The following NRG1 variants were observed in gnomAD, a reference collection of about 807,000 sequenced individuals.
The protein encoded by NRG1 is neuregulin 1.
In NRG1, 18 loss-of-function variants were observed where a neutral mutation model predicts 63.8. The ratio of observed to expected loss-of-function variants is 0.28; its 90% confidence interval spans 0.19 to 0.42. NRG1 has a LOEUF of 0.42. Among genes scored for constraint, NRG1 ranks in the 10% least tolerant of loss-of-function variants. The pLI is 1.00. For synonymous variants in NRG1, 302 were observed against 301.3 expected (o/e 1.00, Z -0.02); for missense variants, 762 against 814.7 (o/e 0.94, Z 0.79).
At chr8:32,189,749 A>C (rs921913293) in intron 1 of NRG1, among the ~76,000 whole-genome samples, 1 of 152,156 alleles carries the variant, frequency 6.6e-6, no homozygotes, top group Non-Finnish European at 1.5e-5. Flanking sequence ...GGCCCCCCTG[A>C]GTCCTTAGAA....
chr8:32,060,275 C>CT (rs150589431), intron 1 of NRG1, among the ~76,000 whole-genome samples: 3,085 of 146,958 alleles, frequency 0.021, 91 homozygotes, highest in African/African-American at 0.071. Flanking sequence ...TGGCAGACTG[C>CT]TTTTTTTTTT....
At chr8:32,179,638 A>C (rs1257407957) in intron 1 of NRG1, among the ~76,000 whole-genome samples, 1 of 152,148 alleles carries the variant, frequency 6.6e-6, no homozygotes, top group Non-Finnish European at 1.5e-5. Context: ...ATATTAGAAC[A>C]TGTAGTTTCT....
chr8:31,697,624 G>T (rs535803272), intron 1 of NRG1, among the ~76,000 whole-genome samples: 135 of 152,248 alleles, frequency 8.9e-4, no homozygotes, highest in African/African-American at 3.2e-3. Context: ...GAAAGCAGAG[G>T]AGTTAGTTTT....
At chr8:32,497,448 A>G (rs1827343327) in intron 1 of NRG1, among the ~76,000 whole-genome samples, 1 of 27,898 alleles carries the variant, frequency 3.6e-5, no homozygotes, top group South Asian at 1.1e-3. Flanking sequence ...TTTTGTATCA[A>G]AAAAAAAAAA....
intron 1 of NRG1, among the ~76,000 whole-genome samples, chr8:32,209,467 T>C (rs1844431403): frequency 6.6e-6 from 1 of 152,160 alleles, no homozygotes; most frequent in African/African-American, 2.4e-5. Context: ...TAAAAGCCTT[T>C]TATAAATTTA....
intron 1 of NRG1, among the ~76,000 whole-genome samples, chr8:32,559,083 G>GAAAA (rs35947086): frequency 1.6e-4 from 14 of 86,782 alleles, no homozygotes; most frequent in Non-Finnish European, 2.1e-4. Context: ...TTGTCTCAGC[G>GAAAA]AAAAAAAAAA....
intron 6 of NRG1, among the ~76,000 whole-genome samples, chr8:32,737,599 A>G (rs1564073931): frequency 1.3e-5 from 2 of 152,008 alleles, no homozygotes; most frequent in Non-Finnish European, 2.9e-5. Flanking sequence ...AGAGTGTATC[A>G]TAAACTATAA....
intron 1 of NRG1, among the ~76,000 whole-genome samples, chr8:31,788,179 T>C (rs1222199315): frequency 6.6e-6 from 1 of 152,058 alleles, no homozygotes; most frequent in Non-Finnish European, 1.5e-5. Flanking sequence ...GTATAAAAAT[T>C]GGGAAAAAAT....
At chr8:32,186,069 A>G (rs1165365246) in intron 1 of NRG1, among the ~76,000 whole-genome samples, 1 of 152,250 alleles carries the variant, frequency 6.6e-6, no homozygotes, top group Non-Finnish European at 1.5e-5. Flanking sequence ...CTATGCTGTT[A>G]CCAAAAGCTG....
chr8:31,814,101 G>A (rs954420587), intron 1 of NRG1, among the ~76,000 whole-genome samples: 1 of 152,128 alleles, frequency 6.6e-6, no homozygotes, highest in Non-Finnish European at 1.5e-5. Flanking sequence ...ATGAAATGTA[G>A]CTGGAGCCAG....
chr8:32,709,946 A>C (rs2128979747), intron 5 of NRG1, among the ~76,000 whole-genome samples: 1 of 152,312 alleles, frequency 6.6e-6, no homozygotes, highest in Admixed American at 6.5e-5. Context: ...AACACTTTAA[A>C]TATGTCTGCC....
chr8:32,540,109 C>T (rs779601397), intron 1 of NRG1, among the ~76,000 whole-genome samples: 5 of 151,880 alleles, frequency 3.3e-5, no homozygotes, highest in East Asian at 3.9e-4. Context: ...ATGGTTTCTT[C>T]GATAGAAAGG....
intron 1 of NRG1, among the ~76,000 whole-genome samples, chr8:32,341,727 C>T (rs1348205836): frequency 6.6e-6 from 1 of 152,066 alleles, no homozygotes; most frequent in Non-Finnish European, 1.5e-5. Context: ...CAAGTTGTAT[C>T]GTTGAAGAGC....
At chr8:32,388,653 C>A (rs919457083) in intron 1 of NRG1, among the ~76,000 whole-genome samples, 1 of 27,134 alleles carries the variant, frequency 3.7e-5, no homozygotes, top group African/African-American at 1.1e-4. Context: ...GATTACAAGA[C>A]GGTTTTTTTT....
intron 1 of NRG1, among the ~76,000 whole-genome samples, chr8:31,655,400 TA>T (rs1805333319): frequency 6.6e-6 from 1 of 152,146 alleles, no homozygotes; most frequent in African/African-American, 2.4e-5. Flanking sequence ...GTCTGAAAGA[TA>T]CAAGAAGGTC....
chr8:32,412,420 CTA>C lies in NRG1; in HGVS notation c.38-183407_38-183406del, dbSNP rs200235131. Among the ~76,000 whole-genome samples, 5 of 41,820 alleles carry C rather than the reference CTA, an allele frequency of 1.2e-4. No individual in the cohort carries two copies. The East Asian group carries it at 2.6e-3, about 22-fold the overall frequency. 27.4% of individuals were successfully genotyped at this position (41,820 alleles called of 152,430 possible). The stretch of plus-strand genomic sequence containing the variant: ...CTCTCCTCTCTCTCTCTCTCTCTCT[CTA>C]CATATATATATATATATATATATAT... On this transcript the variant is annotated intron_variant, in intron 1 of 10. Coordinates refer to the NRG1 transcript ENST00000519301.
intron 5 of NRG1, 51 bp downstream of exon 5, chr8:32,616,936 C>G: frequency 7.5e-7 from 1 of 1,332,696 alleles, no homozygotes; most frequent in Non-Finnish European, 1.1e-6. Flanking sequence ...AAGGCACTAT[C>G]TGCTTTGGAA....
intron 1 of NRG1, among the ~76,000 whole-genome samples, chr8:32,205,873 G>T (rs984476806): frequency 6.6e-6 from 1 of 151,040 alleles, no homozygotes. Context: ...GCTTAGGCAG[G>T]TAATCACTTG....
intron 1 of NRG1, among the ~76,000 whole-genome samples, chr8:31,758,393 C>A (rs1471147800): frequency 1.3e-5 from 2 of 152,110 alleles, no homozygotes; most frequent in Non-Finnish European, 2.9e-5. Flanking sequence ...ATAAATCATT[C>A]TCCTATAAAG....
Sources: allele counts gnomAD v4.1 joint callset (sites outside exome capture counted in the v4.1 genomes callset), GRCh38; gene constraint gnomAD v4.1.1; transcripts MANE v1.5; gene names NCBI Gene and HGNC (gene_info 2026-07-23, HGNC 2026-07-21).